Variants in COL25A1 observed in about 807,000 individuals in gnomAD.
COL25A1 encodes the protein collagen alpha-1(XXV) chain.
A neutral mutation model predicts 128.4 loss-of-function variants in COL25A1; 103 were observed. That is an observed-to-expected ratio of 0.80 (90% CI 0.68 to 0.94). The LOEUF is 0.94. Among genes scored for constraint, COL25A1 ranks in the 40% least tolerant of loss-of-function variants. The probability of loss-of-function intolerance (pLI) is 0.00; values close to 1 mark genes in which losing one functional copy is unlikely to be tolerated. For missense variants in COL25A1, 745 were observed against 840.0 expected (o/e 0.89, Z 1.40); for synonymous variants, 279 against 277.2 (o/e 1.01, Z -0.06).
At position 108,866,202 on chromosome 4, in the gene COL25A1, T is replaced by C. The variant is rs551831626; in HGVS notation, c.1084-2815A>G. ...ATAGTCCCATTTCTTTTCTTTCTTT[T>C]TTTTTTTTTTTTTGAGGTCTCACTC... On this transcript the variant is annotated intron_variant, in intron 20 of 37. Transcript: ENST00000399132. 6.8e-3 allele frequency among the ~76,000 whole-genome samples: 1,012 copies of C among 148,032 alleles called. 10 individuals are homozygous for C. The highest frequency in any genetic ancestry group is 0.014 in the Middle Eastern group (4 of 286).
At chr4:108,818,794 C>T (rs1731486634) in intron 36 of COL25A1, among the ~76,000 whole-genome samples, 1 of 151,616 alleles carries the variant, frequency 6.6e-6, no homozygotes, top group African/African-American at 2.4e-5. Context: ...ACGACAGAAG[C>T]TGAATTCCGT....
At chr4:109,075,453 AG>A (rs1763298665) in intron 3 of COL25A1, among the ~76,000 whole-genome samples, 2 of 152,078 alleles carry the variant, frequency 1.3e-5, no homozygotes, top group Admixed American at 1.3e-4. Flanking sequence ...TCACGTTTGA[AG>A]GGGGAAATGA....
At chr4:109,099,074 T>G (rs993939765) in intron 3 of COL25A1, among the ~76,000 whole-genome samples, 2 of 152,232 alleles carry the variant, frequency 1.3e-5, no homozygotes, top group African/African-American at 4.8e-5. Flanking sequence ...GAAGGTTAGC[T>G]CTACTATTAT....
At chr4:109,114,171 C>T (rs1767300940) in intron 3 of COL25A1, among the ~76,000 whole-genome samples, 1 of 151,986 alleles carries the variant, frequency 6.6e-6, no homozygotes, top group South Asian at 2.1e-4. Context: ...ATACATCATC[C>T]AAGAACAACA....
intron 3 of COL25A1, among the ~76,000 whole-genome samples, chr4:109,083,563 C>G (rs970953506): frequency 2.7e-5 from 4 of 146,950 alleles, no homozygotes; most frequent in African/African-American, 1.0e-4. Context: ...CCCGGGTTCA[C>G]GCCATTCTCC....
chr4:109,127,672 G>GA (rs996490772), intron 3 of COL25A1, among the ~76,000 whole-genome samples: 1 of 151,514 alleles, frequency 6.6e-6, no homozygotes, highest in Non-Finnish European at 1.5e-5. Context: ...TAGTAAAGGA[G>GA]AAAAAAAAGA....
At chr4:108,962,552 A>T (rs976000351) in intron 8 of COL25A1, among the ~76,000 whole-genome samples, 4 of 152,086 alleles carry the variant, frequency 2.6e-5, no homozygotes, top group African/African-American at 9.7e-5. Flanking sequence ...AGAGTATCCT[A>T]TGTAACCAGT....
At chr4:108,981,801 C>T (rs183031139) in intron 6 of COL25A1, among the ~76,000 whole-genome samples, 238 of 152,168 alleles carry the variant, frequency 1.6e-3, no homozygotes, top group Middle Eastern at 3.4e-3. Flanking sequence ...AAAATGCCTG[C>T]CCTACCAATA....
chr4:109,061,403 A>G (rs948962486), intron 3 of COL25A1, among the ~76,000 whole-genome samples: 1 of 152,162 alleles, frequency 6.6e-6, no homozygotes, highest in African/African-American at 2.4e-5. Context: ...TTAAAACTTT[A>G]CTCCAGTTGC....
intron 5 of COL25A1, among the ~76,000 whole-genome samples, chr4:109,012,552 G>A (rs1224589025): frequency 2.6e-5 from 4 of 152,154 alleles, no homozygotes; most frequent in South Asian, 2.1e-4. Flanking sequence ...CGGGCTTGGC[G>A]GGCCCACACT....
At chr4:109,049,507 A>G (rs978221078) in intron 4 of COL25A1, among the ~76,000 whole-genome samples, 1 of 152,232 alleles carries the variant, frequency 6.6e-6, no homozygotes, top group Non-Finnish European at 1.5e-5. Context: ...TTCTGTTTCA[A>G]GTTTTGCCTT....
At chr4:108,883,461 T>C (rs946199722) in intron 19 of COL25A1, among the ~76,000 whole-genome samples, 2 of 152,206 alleles carry the variant, frequency 1.3e-5, no homozygotes, top group Non-Finnish European at 2.9e-5. Context: ...AAAAAAACTT[T>C]TAAAATAAGA....
chr4:109,212,939 A>G (rs758928625), intron 3 of COL25A1, among the ~76,000 whole-genome samples: 4 of 152,112 alleles, frequency 2.6e-5, no homozygotes, highest in Non-Finnish European at 5.9e-5. Flanking sequence ...CTTGTTCTTC[A>G]CCACATATAT....
chr4:109,243,268 A>G (rs1249002037), intron 3 of COL25A1, among the ~76,000 whole-genome samples: 1 of 152,048 alleles, frequency 6.6e-6, no homozygotes, highest in East Asian at 1.9e-4. Flanking sequence ...GTTCGACTCC[A>G]TGCATCTTCA....
At chr4:108,988,231 C>T (rs1266756090) in intron 6 of COL25A1, among the ~76,000 whole-genome samples, 1 of 152,206 alleles carries the variant, frequency 6.6e-6, no homozygotes, top group Non-Finnish European at 1.5e-5. Flanking sequence ...CTCCCTTTCT[C>T]TCAAATGTGT....
chr4:109,136,360 T>C (rs1769764121), intron 3 of COL25A1, among the ~76,000 whole-genome samples: 1 of 152,094 alleles, frequency 6.6e-6, no homozygotes, highest in African/African-American at 2.4e-5. Context: ...GATCATGACA[T>C]TGCACTCCAT....
intron 3 of COL25A1, among the ~76,000 whole-genome samples, chr4:109,099,204 T>A (rs1765667683): frequency 6.6e-6 from 1 of 152,184 alleles, no homozygotes. Context: ...TTTGTAGAAT[T>A]TTGTAAGCAG....
At chr4:109,227,030 G>A (rs1291368956) in intron 3 of COL25A1, among the ~76,000 whole-genome samples, 1 of 152,106 alleles carries the variant, frequency 6.6e-6, no homozygotes, top group East Asian at 1.9e-4. Context: ...ATACCATGAT[G>A]AATAACCTAA....
intron 3 of COL25A1, among the ~76,000 whole-genome samples, chr4:109,054,584 G>C (rs1761291274): frequency 6.6e-6 from 1 of 152,098 alleles, no homozygotes; most frequent in Non-Finnish European, 1.5e-5. Context: ...CTAATAAAAA[G>C]CTGAAACTTA....
Sources: gnomAD v4.1 joint callset for allele counts (sites outside exome capture counted in the v4.1 genomes callset) on GRCh38, gnomAD v4.1.1 for gene constraint, MANE v1.5 for transcripts, NCBI Gene and HGNC (gene_info 2026-07-23, HGNC 2026-07-21) for gene names.